Variants in EPHA1 observed in about 807,000 individuals in gnomAD.
EPHA1 encodes the protein ephrin type-A receptor 1.
EPHA1 carries 92 observed loss-of-function variants against 110.1 expected under a neutral mutation model. The ratio of observed to expected loss-of-function variants is 0.84; its 90% CI spans 0.71 to 0.99. The LOEUF is 0.99. EPHA1 is among the 50% of genes least tolerant of loss of function. The pLI, the probability that EPHA1 is intolerant of heterozygous loss-of-function variation, is 0.00. For missense variants in EPHA1, 1,204 were observed against 1,285.4 expected, an observed-to-expected ratio of 0.94 and a Z score of 0.97; for synonymous variants, 500 against 516.1, an observed-to-expected ratio of 0.97 and a Z score of 0.42.
In EPHA1 at chr7:143,398,701, A is replaced by G; in HGVS notation, c.1236T>C (p.Tyr412=). 1 of 1,614,116 alleles carries G rather than the reference A, an allele frequency of 6.2e-7. No homozygotes were observed. Among genetic ancestry groups the G allele is most frequent in the Non-Finnish European group, 8.5e-7 (1 of 1,180,000 alleles). ...PAVHVNGLEP[Y]ANYTFNVEAQ... The stretch of plus-strand genomic sequence containing the variant: ...CTTCCACATTAAAGGTGTAGTTGGC[A>G]TAAGGTTCAAGGCCATTGACATGCA... The change falls in exon 6 of 18, where the codon TAT becomes TAC. Residue 412 remains tyrosine (Y), a synonymous_variant. Coordinates refer to ENST00000275815, the MANE Select transcript of EPHA1 (RefSeq NM_005232.5).
At chr7:143,405,177 A>C (rs995067860) in intron 2 of EPHA1, among the ~76,000 whole-genome samples, 2 of 152,166 alleles carry the variant, frequency 1.3e-5, no homozygotes, top group East Asian at 3.9e-4. Context: ...CCCAAGTGGA[A>C]GGCACTGGCG....
At chr7:143,405,045 G>C (rs1302840293) in intron 2 of EPHA1, among the ~76,000 whole-genome samples, 2 of 151,994 alleles carry the variant, frequency 1.3e-5, no homozygotes, top group Non-Finnish European at 2.9e-5. Context: ...CTGCTATGAG[G>C]CACATATTTC....
chr7:143,394,069 A>T (rs1805169287), intron 15 of EPHA1, 125 bp downstream of exon 15: 23 of 1,350,918 alleles, frequency 1.7e-5, no homozygotes, highest in Non-Finnish European at 2.2e-5. Flanking sequence ...AGGAGCCAGG[A>T]GTACAGAAAA....
At chr7:143,397,235 A>G (rs1406047191) in intron 10 of EPHA1, 69 bp downstream of exon 10, 16 of 1,169,730 alleles carry the variant, frequency 1.4e-5, no homozygotes, top group Non-Finnish European at 4.6e-6. Flanking sequence ...GCATCTCCCA[A>G]CACACACACA....
chr7:143,392,942 G>C (rs1434734820), intron 16 of EPHA1, among the ~76,000 whole-genome samples: 1 of 151,808 alleles, frequency 6.6e-6, no homozygotes, highest in African/African-American at 2.4e-5. Flanking sequence ...ACTCCGTCTC[G>C]GGGTGGAAAA....
Position 143,395,262 on chromosome 7 carries a change from T to C in EPHA1, c.2083+57A>G. ...CACATCCTCCCTCCACTTCCAGTGG[T>C]TTCACCCCTCTTTCCTGCATTTCCC... On this transcript the variant is annotated intron_variant, in intron 12 of 17. Coordinates refer to ENST00000275815, the MANE Select transcript of EPHA1 (RefSeq NM_005232.5). The surrounding 1 kb of genome is among the most constrained non-coding windows in gnomAD (Gnocchi z 4.7). The C allele has an allele frequency of 3.1e-6, 5 of 1,613,310 alleles. No individual in the cohort carries two copies. Among genetic ancestry groups the C allele is most frequent in the Middle Eastern group, 1.7e-4 (1 of 6,060 alleles).
intron 16 of EPHA1, 127 bp from the exon 17 acceptor site, chr7:143,391,902 T>C: frequency 6.8e-7 from 1 of 1,478,348 alleles, no homozygotes; most frequent in East Asian, 2.5e-5. Flanking sequence ...GACTGTGGAT[T>C]GACCCCACCA....
chr7:143,403,420 CT>C (rs57457497), intron 2 of EPHA1, among the ~76,000 whole-genome samples: 68,003 of 150,150 alleles, frequency 0.45, 15,937 homozygotes, highest in Middle Eastern at 0.53. Flanking sequence ...AGCTTTCTTA[CT>C]TTTTTTTTTT....
rs754645542 is a variant in EPHA1 at position 143,399,771 on chromosome 7, G to C, written c.715C>G (p.Pro239Ala). 6 of 1,612,756 alleles carry C rather than the reference G, an allele frequency of 3.7e-6. No individual in the cohort carries two copies. In the African/African-American group the frequency reaches 8.0e-5, roughly 22 times the overall value. Residue 239 changes from proline to alanine, a missense_variant, in exon 4 of 18, where the codon CCC becomes GCC. Coordinates refer to ENST00000275815, the MANE Select transcript of EPHA1 (RefSeq NM_005232.5). The stretch of plus-strand genomic sequence containing the variant: ...ATGCGGGGTGCACCTGAGGGCCTGG[G>C]GCTGGCCCGCGCGTGGGGCAAGCAG... ...GTCLPHARAS[P>A]RPSGAPRMHC...
chr7:143,399,697 G>A lies in EPHA1; in HGVS notation c.789C>T (p.His263=), dbSNP rs1270306538. ...CACCTTCCTCATAGCCAGGCTCACA[G>A]TGGCACCGTCCTACAGGCACCAGCC... ...GEWLVPVGRC[H]CEPGYEEGGS... is the part of the protein sequence containing the mutation. The change falls in exon 4 of 18, where the codon CAC becomes CAT. Residue 263 remains histidine (H), a synonymous_variant. Transcript: ENST00000275815. 2 of 1,613,784 alleles carry A rather than the reference G, an allele frequency of 1.2e-6. No homozygotes were observed. Among genetic ancestry groups the A allele is most frequent in the South Asian group, 2.2e-5 (2 of 91,066 alleles).
rs756424890 is a variant in EPHA1 at position 143,401,424 on chromosome 7, C to A, written c.332G>T (p.Gly111Val). ...CTTGCAGCCCAGAGGCCCGGCTCCCCCAGGGAAACTCTTGCAGTCCCGCAC... is the reference window on the plus strand; with the variant it reads ...CTTGCAGCCCAGAGGCCCGGCTCCCACAGGGAAACTCTTGCAGTCCCGCAC... ...FTVRDCKSFP[G>V]GAGPLGCKET... Residue 111 changes from glycine to valine, a missense_variant, in exon 3 of 18, where the codon GGG (glycine) becomes GTG (valine). Gly to Val is a moderately radical substitution (Grantham distance 109). Transcript: ENST00000275815. The surrounding 1 kb of genome is among the most constrained non-coding windows in gnomAD (Gnocchi z 4.1). 3 of 1,614,004 alleles carry A rather than the reference C, an allele frequency of 1.9e-6. No homozygotes were observed.
Position 143,401,616 on chromosome 7 carries a change from G to T in EPHA1, c.151-11C>A. 8.1e-6 allele frequency: 13 copies of T among 1,605,124 alleles called. No individual in the cohort carries two copies. The highest frequency in any genetic ancestry group is 1.3e-5 in the African/African-American group (1 of 74,880). ...TTGCTGTTCACTCCACTGCAAGGAG[G>T]AAATCAGAGTCAGGGACCAGATCAT... On this transcript the variant is annotated splice_polypyrimidine_tract_variant and intron_variant, in intron 2 of 17. Transcript: ENST00000275815. The surrounding 1 kb of genome is among the most constrained non-coding windows in gnomAD (Gnocchi z 4.1).
Position 143,407,626 on chromosome 7 carries a change from A to G in EPHA1, c.135T>C (p.Asp45=). 6.2e-7 allele frequency: 1 copy of G among 1,613,068 alleles called. No individual in the cohort carries two copies. Among genetic ancestry groups the G allele is most frequent in the South Asian group, 1.1e-5 (1 of 90,896 alleles). ...KAQGELGWLL[D]PPKDGWSEQQ... ...CGACACTTACCCCATCTTTTGGGGG[A>G]TCCAGCAGCCAGCCCAGCTCTCCCT... The change falls in exon 2 of 18, where the codon GAT becomes GAC. Residue 45 remains aspartate, a synonymous_variant. Transcript: ENST00000275815.
Position 143,398,387 on chromosome 7 carries a change from G to C in EPHA1, c.1398C>G (p.Thr466=), listed in dbSNP as rs1563117398. The C allele has an allele frequency of 1.9e-6, 3 of 1,614,164 alleles. No homozygotes were observed. The highest frequency in any genetic ancestry group is 2.5e-6 in the Non-Finnish European group (3 of 1,180,000). The part of the protein sequence containing the change: ...VKKEPRQLEL[T]WAGSRPRSPG... ...GGCTTCGGGGCCGGGACCCCGCCCA[G>C]GTCAGCTCTAGTTGCCTCGGTTCTT... The change falls in exon 7 of 18, where the codon ACC becomes ACG. Residue 466 remains threonine (T), a synonymous_variant. Transcript: ENST00000275815.
chr7:143,401,689 T>C lies in EPHA1; in HGVS notation c.151-84A>G. 2 of 1,524,660 alleles carry C rather than the reference T, an allele frequency of 1.3e-6. No individual in the cohort carries two copies. Among genetic ancestry groups the C allele is most frequent in the South Asian group, 1.2e-5 (1 of 80,274 alleles). The allele number at this position is 1,524,660 out of a possible 1,614,324, so 94.4% of individuals were successfully genotyped here. A position where few individuals can be genotyped will look rare whatever the true frequency, so the allele number is the denominator to read the frequency against. On this transcript the variant is annotated intron_variant, in intron 2 of 17. Transcript: ENST00000275815. This position sits in a 1 kb window ranked among gnomAD's most constrained non-coding sequence, Gnocchi z 4.1. ...TTTTTAGAGCTGATGGAGAAGCAGC[T>C]GTGTCAGAGCCCCTCAGGTTTATGC...
At chr7:143,396,554 C>T (rs373819510) in intron 10 of EPHA1, 44 bp from the exon 11 acceptor site, 17 of 1,606,122 alleles carry the variant, frequency 1.1e-5, no homozygotes, top group African/African-American at 2.7e-5. Context: ...CATCAGGGCT[C>T]AGGAGTATGG....
chr7:143,396,250 G>A, intron 11 of EPHA1, 135 bp downstream of exon 11: 1 of 1,230,804 alleles, frequency 8.1e-7, no homozygotes, highest in Non-Finnish European at 1.1e-6. Context: ...AGAGCAGAGT[G>A]AGTACCTCTG....
chr7:143,395,088 C>T lies in EPHA1; in HGVS notation c.2145+33G>A. On this transcript the variant is annotated intron_variant, in intron 13 of 17. Transcript: ENST00000275815. The surrounding 1 kb of genome is among the most constrained non-coding windows in gnomAD (Gnocchi z 4.7). Reference sequence around the variant, plus strand: ...CAGTGCCCAGGGTACCATGGTGCATCCCCCTCCCCAGCTAGTCCTCTGCCC... The same window carrying T: ...CAGTGCCCAGGGTACCATGGTGCATTCCCCTCCCCAGCTAGTCCTCTGCCC... 2 of 1,613,834 alleles carry T rather than the reference C, an allele frequency of 1.2e-6. No individual in the cohort carries two copies. Among genetic ancestry groups the T allele is most frequent in the East Asian group, 4.5e-5 (2 of 44,864 alleles).
chr7:143,394,375 T>C (rs769192748), intron 14 of EPHA1, 32 bp from the exon 15 acceptor site: 13 of 1,597,914 alleles, frequency 8.1e-6, no homozygotes, highest in Non-Finnish European at 1.0e-5. Flanking sequence ...GGACGGAAAG[T>C]TATGGTGTCC....
Sources: allele counts gnomAD v4.1 joint callset (sites outside exome capture counted in the v4.1 genomes callset), GRCh38; gene constraint gnomAD v4.1.1; non-coding constraint Gnocchi (gnomAD v3.1); transcripts MANE v1.5; gene names NCBI Gene and HGNC (gene_info 2026-07-23, HGNC 2026-07-21).